The following EAPP variants were observed in gnomAD, a reference collection of about 807,000 sequenced individuals.
EAPP encodes the protein E2F associated phosphoprotein, also known as E2F-associated phosphoprotein.
In EAPP, 38 loss-of-function variants were observed where a neutral mutation model predicts 34.3. That is an observed-to-expected ratio of 1.11 (90% confidence interval 0.85 to 1.45). The LOEUF is 1.45. EAPP is among the 40% of genes most tolerant of loss of function. The pLI is 0.00. For missense variants in EAPP, 338 were observed against 343.7 expected (o/e 0.98, Z 0.13); for synonymous variants, 113 against 117.6 (o/e 0.96, Z 0.25).
intron 3 of EAPP, among the ~76,000 whole-genome samples, chr14:34,530,909 A>C (rs1260317174): frequency 6.7e-6 from 1 of 148,508 alleles, no homozygotes; most frequent in Non-Finnish European, 1.5e-5. Flanking sequence ...TTTACCAAAA[A>C]AAAAAAAAAA....
chr14:34,524,814 C>G lies in EAPP; in HGVS notation c.471-7G>C. 1 of 1,607,654 alleles carries G rather than the reference C, an allele frequency of 6.2e-7. No homozygotes were observed. Among genetic ancestry groups the G allele is most frequent in the Non-Finnish European group, 8.5e-7 (1 of 1,174,942 alleles). ...TGGTCCCAAACCATGGTAACTAGAA[C>G]AGAAGAAGAAAGTGGGGAGAAAAAC... is the stretch of plus-strand genomic sequence containing the variant. On this transcript the variant is annotated splice_polypyrimidine_tract_variant and splice_region_variant and intron_variant, in intron 4 of 5. Transcript: ENST00000250454.
Position 34,516,350 on chromosome 14 carries a change from T to C in EAPP, c.818A>G (p.Glu273Gly). 1 of 1,613,528 alleles carries C rather than the reference T, an allele frequency of 6.2e-7. No individual in the cohort carries two copies. The highest frequency in any genetic ancestry group is 8.5e-7 in the Non-Finnish European group (1 of 1,179,768). The change falls in exon 6 of 6, where the codon GAA (glutamate) becomes GGA (glycine). Residue 273 changes from glutamate to glycine, a missense_variant. By Grantham distance (98) the Glu-to-Gly change is moderately conservative (BLOSUM62 -2). Transcript: ENST00000250454. ...STEVAVYDKDEVFHFFNVLAS... is the reference protein window; with the variant it reads ...STEVAVYDKDGVFHFFNVLAS... Reference sequence around the variant, plus strand: ...TAAAACATTGAAAAAATGAAAGACTTCATCCTTGTCGTAGACTGCCACTTC... The same window carrying C: ...TAAAACATTGAAAAAATGAAAGACTCCATCCTTGTCGTAGACTGCCACTTC...
intron 5 of EAPP, among the ~76,000 whole-genome samples, chr14:34,519,226 G>C (rs1879833892): frequency 6.6e-6 from 1 of 151,960 alleles, no homozygotes; most frequent in Non-Finnish European, 1.5e-5. Context: ...CTTCCCCTTT[G>C]CCTTCTGCCA....
intron 5 of EAPP, among the ~76,000 whole-genome samples, chr14:34,522,418 G>C (rs1428172510): frequency 1.3e-5 from 2 of 152,060 alleles, no homozygotes; most frequent in African/African-American, 2.4e-5. Context: ...ATGTGATAAG[G>C]GTTCACTTGA....
chr14:34,527,387 C>T (rs753210355), intron 4 of EAPP, among the ~76,000 whole-genome samples: 8 of 151,752 alleles, frequency 5.3e-5, no homozygotes, highest in Admixed American at 4.6e-4. Flanking sequence ...TGCTTGAACC[C>T]GGGAGGCGGT....
In EAPP at chr14:34,516,331, A is replaced by C. The variant is rs1156231851; in HGVS notation, c.837T>G (p.Asn279Lys). 1 of 1,612,404 alleles carries C rather than the reference A, an allele frequency of 6.2e-7. No homozygotes were observed. The highest frequency in any genetic ancestry group is 8.5e-7 in the Non-Finnish European group (1 of 1,179,012). Residue 279 changes from asparagine to lysine, a missense_variant, in exon 6 of 6, where the codon AAT (asparagine) becomes AAG (lysine). By Grantham distance (94) the Asn-to-Lys change is moderately conservative. Coordinates refer to ENST00000250454, the MANE Select transcript of EAPP (RefSeq NM_018453.4). The stretch of plus-strand genomic sequence containing the variant: ...CTGTTTAGGAATGGCTTGCTAAAAC[A>C]TTGAAAAAATGAAAGACTTCATCCT... ...YDKDEVFHFF[N>K]VLASHS
chr14:34,519,660 C>T (rs1293464052), intron 5 of EAPP, among the ~76,000 whole-genome samples: 2 of 152,048 alleles, frequency 1.3e-5, no homozygotes, highest in African/African-American at 2.4e-5. Flanking sequence ...TATAGCAGTG[C>T]AAGAGCAGAC....
chr14:34,534,645 A>T (rs1467327903), intron 2 of EAPP, among the ~76,000 whole-genome samples: 1 of 152,254 alleles, frequency 6.6e-6, no homozygotes, highest in Non-Finnish European at 1.5e-5. Context: ...AAAAACTGCA[A>T]AATAAAATTA....
At chr14:34,534,383 C>G (rs894260223) in intron 2 of EAPP, among the ~76,000 whole-genome samples, 1 of 152,176 alleles carries the variant, frequency 6.6e-6, no homozygotes, top group Non-Finnish European at 1.5e-5. Flanking sequence ...CCACCCACCT[C>G]AGCCTCCCAA....
intron 1 of EAPP, 175 bp from the exon 2 acceptor site, chr14:34,536,450 CTTCT>C (rs1247307745): frequency 5.7e-6 from 2 of 352,868 alleles, no homozygotes; most frequent in African/African-American, 4.5e-5. Flanking sequence ...TATTTCCAAT[CTTCT>C]TTAATTTTTT....
rs376881378 is a variant in EAPP, at chr14:34,517,237, C to A, written c.582-651G>T. Reference sequence around the variant, plus strand: ...TCAGGCGTGAGCCACCGCACCCAGACGATTCTATTTCTTTTTTTTTTTTTT... The same window carrying A: ...TCAGGCGTGAGCCACCGCACCCAGAAGATTCTATTTCTTTTTTTTTTTTTT... On this transcript the variant is annotated intron_variant, in intron 5 of 5. Transcript: ENST00000250454. Among the ~76,000 whole-genome samples the A allele has an allele frequency of 3.4e-5, 5 of 147,302 alleles. No homozygotes were observed. In the South Asian group the frequency reaches 6.4e-4, roughly 19 times the overall value.
At chr14:34,533,635 A>G (rs1304762305) in intron 2 of EAPP, 96 bp from the exon 3 acceptor site, 2 of 725,550 alleles carry the variant, frequency 2.8e-6, no homozygotes, top group Non-Finnish European at 4.5e-6. Flanking sequence ...AAACAATATC[A>G]ACTCATTCAC....
intron 2 of EAPP, among the ~76,000 whole-genome samples, chr14:34,535,451 T>TTTTC (rs1555320990): frequency 1.4e-5 from 2 of 145,876 alleles, no homozygotes; most frequent in African/African-American, 2.5e-5. Flanking sequence ...TTTTTTTTTT[T>TTTTC]AGATGGAGTC....
intron 5 of EAPP, among the ~76,000 whole-genome samples, chr14:34,523,400 G>T (rs975312519): frequency 6.6e-6 from 1 of 152,008 alleles, no homozygotes; most frequent in South Asian, 2.1e-4. Context: ...ACCATGCCCG[G>T]CTAATTTTTT....
intron 5 of EAPP, 25 bp from the exon 6 acceptor site, chr14:34,516,611 T>C (rs200579009): frequency 6.0e-4 from 946 of 1,588,658 alleles, no homozygotes; most frequent in Non-Finnish European, 7.1e-4. Flanking sequence ...AAATGGAGAA[T>C]TGGGGTTTAT....
intron 3 of EAPP, among the ~76,000 whole-genome samples, chr14:34,530,921 A>C (rs1181446736): frequency 6.6e-6 from 1 of 150,610 alleles, no homozygotes; most frequent in Non-Finnish European, 1.5e-5. Flanking sequence ...AAAAAAAAAA[A>C]AAAAAGAAAG....
intron 3 of EAPP, among the ~76,000 whole-genome samples, chr14:34,532,859 T>C (rs1047362963): frequency 2.0e-5 from 3 of 152,082 alleles, no homozygotes; most frequent in African/African-American, 7.2e-5. Context: ...GTATTTTTAA[T>C]AGACATGGGG....
intron 5 of EAPP, among the ~76,000 whole-genome samples, chr14:34,517,968 T>A (rs1291428311): frequency 6.6e-6 from 1 of 151,816 alleles, no homozygotes; most frequent in Non-Finnish European, 1.5e-5. Context: ...AGAGACAGGG[T>A]TTCACCAGGT....
At chr14:34,530,806 A>G (rs989911560) in intron 3 of EAPP, among the ~76,000 whole-genome samples, 1 of 151,108 alleles carries the variant, frequency 6.6e-6, no homozygotes. Context: ...GAGGTCAGAT[A>G]CAGTGGCTCA....
Sources: gnomAD v4.1 joint callset for allele counts (sites outside exome capture counted in the v4.1 genomes callset) on GRCh38, gnomAD v4.1.1 for gene constraint, MANE v1.5 for transcripts, NCBI Gene and HGNC (gene_info 2026-07-23, HGNC 2026-07-21) for gene names.